The following ARMC3 variants were observed in gnomAD, a reference collection of about 807,000 sequenced individuals.
The protein encoded by ARMC3 is armadillo repeat containing 3.
ARMC3 carries 74 observed loss-of-function variants against 90.3 expected under a neutral mutation model. The observed-to-expected ratio is 0.82, with a 90% CI of 0.68 to 0.99. ARMC3 has a LOEUF of 0.99. Ranked by LOEUF, ARMC3 falls within the 50% of genes least tolerant of loss-of-function variation. The probability of loss-of-function intolerance (pLI) is 0.00; values close to 1 mark genes in which losing one functional copy is unlikely to be tolerated. For synonymous variants in ARMC3, 334 were observed against 361.8 expected (o/e 0.92, Z 0.87); for missense variants, 958 against 1,042.8 (o/e 0.92, Z 1.12).
In ARMC3 at chr10:23,037,948, T is replaced by C. The variant is rs1375510842; in HGVS notation, c.*469T>C. ...TCATTTAAGATTTTGATAGTTTAGA[T>C]AGAATAAACACAGATCTGAGTGTTA... is the stretch of plus-strand genomic sequence containing the variant. On this transcript the variant is annotated 3_prime_UTR_variant, in exon 19 of 19. Transcript: ENST00000298032. 1 of 152,612 alleles carries C rather than the reference T, an allele frequency of 6.6e-6. No individual in the cohort carries two copies. Among genetic ancestry groups the C allele is most frequent in the African/African-American group, 2.4e-5 (1 of 41,456 alleles). 9.5% of individuals were successfully genotyped at this position (152,612 alleles called of 1,614,324 possible). A position where few individuals can be genotyped will look rare whatever the true frequency, so the allele number is the denominator to read the frequency against.
chr10:23,011,658 G>A (rs987690021), intron 16 of ARMC3, among the ~76,000 whole-genome samples: 1 of 152,062 alleles, frequency 6.6e-6, no homozygotes, highest in African/African-American at 2.4e-5. Flanking sequence ...TAACTTACTT[G>A]CACTTGCTTC....
intron 10 of ARMC3, among the ~76,000 whole-genome samples, chr10:22,991,018 C>T (rs372842526): frequency 5.3e-5 from 8 of 152,146 alleles, no homozygotes; most frequent in African/African-American, 1.9e-4. Context: ...TCTGCCTCCT[C>T]CTCCTTCTCA....
intron 2 of ARMC3, among the ~76,000 whole-genome samples, chr10:22,937,199 G>A (rs1262676240): frequency 1.3e-5 from 2 of 151,990 alleles, no homozygotes; most frequent in African/African-American, 4.8e-5. Flanking sequence ...CACTGCACCT[G>A]GTCTTTAAAA....
chr10:23,003,483 AC>A, intron 13 of ARMC3, 69 bp downstream of exon 13: 1 of 1,237,006 alleles, frequency 8.1e-7, no homozygotes, highest in Non-Finnish European at 1.1e-6. Context: ...TGATGCCATT[AC>A]ATTGCCATTT....
chr10:22,985,269 A>G (rs7080907), intron 10 of ARMC3, among the ~76,000 whole-genome samples: 2,840 of 152,008 alleles, frequency 0.019, 92 homozygotes, highest in African/African-American at 0.066. Flanking sequence ...TTTTGACTAA[A>G]TGACTGCCAT....
chr10:22,971,353 CAG>C (rs2131302228), intron 8 of ARMC3, among the ~76,000 whole-genome samples: 1 of 151,796 alleles, frequency 6.6e-6, no homozygotes, highest in South Asian at 2.1e-4. Context: ...TGTGGGTATA[CAG>C]ATATCTCTTT....
intron 10 of ARMC3, among the ~76,000 whole-genome samples, chr10:22,990,555 T>A (rs1307097237): frequency 1.3e-5 from 2 of 152,142 alleles, no homozygotes; most frequent in East Asian, 1.9e-4. Context: ...AGTCCTTGAG[T>A]GGAATATATC....
chr10:22,983,471 A>G (rs1467002198), intron 10 of ARMC3, among the ~76,000 whole-genome samples: 1 of 152,200 alleles, frequency 6.6e-6, no homozygotes, highest in African/African-American at 2.4e-5. Context: ...CTTTAGTTAC[A>G]TAATATAATT....
chr10:22,965,030 C>T (rs1835388744), intron 7 of ARMC3, among the ~76,000 whole-genome samples: 1 of 152,046 alleles, frequency 6.6e-6, no homozygotes, highest in South Asian at 2.1e-4. Flanking sequence ...TTGAAGAGTC[C>T]TATATCATGT....
intron 10 of ARMC3, among the ~76,000 whole-genome samples, chr10:22,986,551 CAAAAAAAAAAACAA>C (rs1442953440): frequency 1.0e-3 from 89 of 85,806 alleles, no homozygotes; most frequent in African/African-American, 3.3e-3. Flanking sequence ...GACTCCATCT[CAAAAAAAAAAACAA>C]AAAAAAAAAA....
intron 12 of ARMC3, among the ~76,000 whole-genome samples, chr10:23,002,699 C>T (rs1242311813): frequency 6.6e-6 from 1 of 151,142 alleles, no homozygotes; most frequent in African/African-American, 2.4e-5. Flanking sequence ...CCCCTGGGTT[C>T]GCAATTCTCC....
At position 22,959,527 on chromosome 10, in the gene ARMC3, C is replaced by G; in HGVS notation, c.490C>G (p.Pro164Ala). The G allele has an allele frequency of 6.2e-7, 1 of 1,611,184 alleles. No individual in the cohort carries two copies. The highest frequency in any genetic ancestry group is 8.5e-7 in the Non-Finnish European group (1 of 1,179,470). The change falls in exon 6 of 19, where the codon CCG becomes GCG. Residue 164 changes from proline to alanine, a missense_variant. Pro to Ala is a conservative substitution (Grantham distance 27). Coordinates refer to ENST00000298032, the MANE Select transcript of ARMC3 (RefSeq NM_173081.5). ...CATCAGACTACTGAGTAGCCCTGAC[C>G]CGGATGTAAAGAAGAACTCTATGGA... ...PLIRLLSSPD[P>A]DVKKNSMECI...
intron 13 of ARMC3, among the ~76,000 whole-genome samples, chr10:23,003,864 A>G (rs1424090779): frequency 1.3e-5 from 2 of 152,154 alleles, no homozygotes; most frequent in African/African-American, 4.8e-5. Flanking sequence ...GTATAAAAGA[A>G]GGAGCAGGTG....
At chr10:22,967,362 AT>A (rs1554776673) in intron 7 of ARMC3, among the ~76,000 whole-genome samples, 1 of 152,116 alleles carries the variant, frequency 6.6e-6, no homozygotes, top group Non-Finnish European at 1.5e-5. Context: ...CTCCTTGTCA[AT>A]TTGGTACCCA....
intron 8 of ARMC3, among the ~76,000 whole-genome samples, chr10:22,976,331 G>A (rs527997245): frequency 1.3e-5 from 2 of 152,222 alleles, no homozygotes; most frequent in East Asian, 1.9e-4. Context: ...TGCTGCACCT[G>A]ACTTCTGTTT....
At chr10:22,937,986 C>T (rs1011942220) in intron 2 of ARMC3, among the ~76,000 whole-genome samples, 2 of 152,030 alleles carry the variant, frequency 1.3e-5, no homozygotes, top group Admixed American at 1.3e-4. Context: ...AAGTTCAGGC[C>T]CCAAGGCAGC....
chr10:22,983,890 C>T (rs1836294993), intron 10 of ARMC3, among the ~76,000 whole-genome samples: 1 of 152,158 alleles, frequency 6.6e-6, no homozygotes, highest in African/African-American at 2.4e-5. Context: ...CTCAGATCGT[C>T]TTTTAAAAAT....
intron 10 of ARMC3, among the ~76,000 whole-genome samples, chr10:22,986,177 C>T (rs1836426854): frequency 6.9e-6 from 1 of 144,992 alleles, no homozygotes; most frequent in South Asian, 2.2e-4. Context: ...CTATTTAATT[C>T]ACTGATGCAT....
intron 10 of ARMC3, among the ~76,000 whole-genome samples, chr10:22,992,424 C>A (rs1824852): frequency 6.6e-6 from 1 of 151,776 alleles, no homozygotes; most frequent in Non-Finnish European, 1.5e-5. Flanking sequence ...TAGCATTTTG[C>A]GGGGGGCATT....
Sources: allele counts gnomAD v4.1 joint callset (sites outside exome capture counted in the v4.1 genomes callset), GRCh38; gene constraint gnomAD v4.1.1; transcripts MANE v1.5; gene names NCBI Gene and HGNC (gene_info 2026-07-23, HGNC 2026-07-21).